Variants in BMAL1 observed in about 807,000 individuals in gnomAD.
BMAL1 encodes basic helix-loop-helix ARNT like 1.
the BMAL1 span, chr11:13,358,737 C>A: frequency 1.1e-6 from 1 of 902,362 alleles, no homozygotes; most frequent in Non-Finnish European, 1.5e-6. Context: ...CAGCAACAGC[C>A]GTGATGCCAA....
chr11:13,375,906 C>A, the BMAL1 span: 1 of 773,604 alleles, frequency 1.3e-6, no homozygotes, highest in Non-Finnish European at 1.9e-6. Context: ...TCAGGACTGG[C>A]AGAAGCTAGA....
At chr11:13,384,744 G>A in the BMAL1 span, among the ~76,000 whole-genome samples, 1 of 152,002 alleles carries the variant, frequency 6.6e-6, no homozygotes, top group Non-Finnish European at 1.5e-5. Context: ...TACTCTGCCT[G>A]GTAATTTTTT....
chr11:13,289,351 A>G, the BMAL1 span, among the ~76,000 whole-genome samples: 1 of 151,984 alleles, frequency 6.6e-6, no homozygotes, highest in Non-Finnish European at 1.5e-5. Flanking sequence ...GATGTGTACT[A>G]CTTTATTGGA....
At chr11:13,345,087 A>C in the BMAL1 span, among the ~76,000 whole-genome samples, 1 of 152,148 alleles carries the variant, frequency 6.6e-6, no homozygotes, top group Non-Finnish European at 1.5e-5. Context: ...CTATTTTCCT[A>C]AGCTCGCCAC....
chr11:13,378,371 G>A, the BMAL1 span: 1 of 1,613,028 alleles, frequency 6.2e-7, no homozygotes, highest in South Asian at 1.1e-5. Context: ...CTGTTCCAGG[G>A]ATTCCAGGGG....
the BMAL1 span, among the ~76,000 whole-genome samples, chr11:13,299,467 G>T: frequency 2.0e-5 from 3 of 152,132 alleles, no homozygotes; most frequent in Admixed American, 2.0e-4. Context: ...CATACCTGGG[G>T]AGGGGTGGTT....
the BMAL1 span, among the ~76,000 whole-genome samples, chr11:13,303,441 G>A: frequency 5.9e-5 from 9 of 152,302 alleles, no homozygotes; most frequent in African/African-American, 2.2e-4. Flanking sequence ...GAGGTCAGAT[G>A]GGAAGTGGGA....
the BMAL1 span, among the ~76,000 whole-genome samples, chr11:13,280,978 A>T: frequency 6.6e-6 from 1 of 152,078 alleles, no homozygotes; most frequent in South Asian, 2.1e-4. Flanking sequence ...GTGGTCTTGG[A>T]TGTGTGCTTG....
At chr11:13,372,133 C>A in the BMAL1 span, 1 of 1,611,400 alleles carries the variant, frequency 6.2e-7, no homozygotes, top group Non-Finnish European at 8.5e-7. Context: ...AAACCTAGTG[C>A]TGACACTAAC....
the BMAL1 span, among the ~76,000 whole-genome samples, chr11:13,347,000 T>C: frequency 6.6e-6 from 1 of 152,240 alleles, no homozygotes; most frequent in African/African-American, 2.4e-5. Context: ...TGTTCTTGCA[T>C]CTAAGAACAC....
At chr11:13,306,850 C>A in the BMAL1 span, among the ~76,000 whole-genome samples, 1 of 152,254 alleles carries the variant, frequency 6.6e-6, no homozygotes, top group East Asian at 1.9e-4. Flanking sequence ...CAGTTGGCTC[C>A]TTGCCTTCTG....
chr11:13,375,785 A>G, the BMAL1 span: 1 of 1,524,794 alleles, frequency 6.6e-7, no homozygotes, highest in African/African-American at 1.4e-5. Context: ...CCTATATCTG[A>G]AGCTCCCCTT....
At chr11:13,284,098 G>GTATATA in the BMAL1 span, among the ~76,000 whole-genome samples, 1 of 87,912 alleles carries the variant, frequency 1.1e-5, no homozygotes, top group Non-Finnish European at 2.6e-5. Context: ...GTGTGTGTGT[G>GTATATA]TGTGTGTGTG....
the BMAL1 span, among the ~76,000 whole-genome samples, chr11:13,377,898 A>G: frequency 5.3e-5 from 8 of 152,182 alleles, no homozygotes; most frequent in Non-Finnish European, 8.8e-5. Flanking sequence ...CTCGGGGTTA[A>G]CTTGCTCCAG....
the BMAL1 span, among the ~76,000 whole-genome samples, chr11:13,324,496 G>A: frequency 6.6e-6 from 1 of 152,130 alleles, no homozygotes; most frequent in African/African-American, 2.4e-5. Flanking sequence ...CTCTATTCAA[G>A]TGTTCTCCCA....
chr11:13,376,219 G>A, the BMAL1 span, among the ~76,000 whole-genome samples: 1 of 152,306 alleles, frequency 6.6e-6, no homozygotes, highest in Non-Finnish European at 1.5e-5. Context: ...GCTGCTACCT[G>A]CTAGATGAGC....
At chr11:13,278,867 G>A in the BMAL1 span, among the ~76,000 whole-genome samples, 1 of 152,214 alleles carries the variant, frequency 6.6e-6, no homozygotes, top group African/African-American at 2.4e-5. Context: ...AGAGCTTCCC[G>A]TTTGCTTGGA....
At chr11:13,296,688 C>A in the BMAL1 span, among the ~76,000 whole-genome samples, 3 of 152,272 alleles carry the variant, frequency 2.0e-5, no homozygotes, top group East Asian at 5.8e-4. Context: ...GAAATGTATA[C>A]TTTTTGTTCC....
At chr11:13,386,833 C>G in the BMAL1 span, 4 of 1,533,154 alleles carry the variant, frequency 2.6e-6, no homozygotes, top group Non-Finnish European at 3.5e-6. Flanking sequence ...GTGAAGCTTA[C>G]TGGATAAGGA....
Sources: allele counts gnomAD v4.1 joint callset (sites outside exome capture counted in the v4.1 genomes callset), GRCh38; gene constraint gnomAD v4.1.1; transcripts MANE v1.5; gene names NCBI Gene and HGNC (gene_info 2026-07-23, HGNC 2026-07-21).